The following GRIN2B variants were observed in gnomAD, a reference collection of about 807,000 sequenced individuals.
GRIN2B encodes the protein glutamate receptor ionotropic, NMDA 2B.
In GRIN2B, 5 loss-of-function variants were observed where a neutral mutation model predicts 114.5. The ratio of observed to expected loss-of-function variants is 0.04; its 90% CI spans 0.02 to 0.09. The LOEUF (loss-of-function observed/expected upper bound fraction) is 0.09, where lower values mean the gene tolerates loss of function less well. GRIN2B is among the 10% of genes least tolerant of loss of function. The pLI is 1.00. For synonymous variants in GRIN2B, 787 were observed against 745.1 expected, an observed-to-expected ratio of 1.06 and a Z score of -0.92; for missense variants, 1,108 against 1,943.5, an observed-to-expected ratio of 0.57 and a Z score of 8.08.
intron 8 of GRIN2B, among the ~76,000 whole-genome samples, chr12:13,612,604 A>G (rs1004388361): frequency 6.6e-6 from 1 of 152,252 alleles, no homozygotes; most frequent in Admixed American, 6.5e-5. Flanking sequence ...GATAGGGTTG[A>G]TGGGACAAGA....
Position 13,753,456 on chromosome 12 carries a change from C to A in GRIN2B, c.871G>T (p.Ala291Ser). The A allele has an allele frequency of 1.2e-6, 2 of 1,614,064 alleles. No individual in the cohort carries two copies. Among genetic ancestry groups the A allele is most frequent in the South Asian group, 2.2e-5 (2 of 91,076 alleles). ...ATGGCAATTCCATCTCTCACTCTGG[C>A]GGGGAGGCCATAGTCCCATTCATCA... Reference protein sequence around the residue: ...SYDEWDYGLPARVRDGIAIIT... With the variant: ...SYDEWDYGLPSRVRDGIAIIT... The change falls in exon 4 of 14, where the codon GCC becomes TCC. Residue 291 changes from alanine to serine, a missense_variant. Physicochemically the swap from Ala to Ser is moderately conservative, Grantham distance 99. Around this residue, in one of 19 missense-constraint regions of GRIN2B, gnomAD observed 199 missense variants for 439.6 expected, o/e 0.45. Coordinates refer to ENST00000609686, the MANE Select transcript of GRIN2B (RefSeq NM_000834.5). The surrounding 1 kb of genome is among the most constrained non-coding windows in gnomAD (Gnocchi z 6.2).
At chr12:13,660,069 G>A (rs531628485) in intron 5 of GRIN2B, among the ~76,000 whole-genome samples, 31 of 152,272 alleles carry the variant, frequency 2.0e-4, no homozygotes, top group East Asian at 5.8e-4. Context: ...TGCTCACAGC[G>A]AGGTGGCTGG....
intron 5 of GRIN2B, among the ~76,000 whole-genome samples, chr12:13,622,983 T>C (rs1949532443): frequency 6.6e-6 from 1 of 152,236 alleles, no homozygotes; most frequent in African/African-American, 2.4e-5. Context: ...TGTAACCAAG[T>C]GAACATTCTA....
chr12:13,694,125 T>C (rs1455129752), intron 4 of GRIN2B, among the ~76,000 whole-genome samples: 5 of 152,146 alleles, frequency 3.3e-5, no homozygotes, highest in Non-Finnish European at 2.9e-5. Flanking sequence ...CTCCTGTCCA[T>C]GCACAGAAGT....
intron 2 of GRIN2B, among the ~76,000 whole-genome samples, chr12:13,889,001 T>C (rs73057654): frequency 0.1 from 15,501 of 152,262 alleles, 1,031 homozygotes; most frequent in Middle Eastern, 0.2. Flanking sequence ...ACTTTTTTAC[T>C]TTATAAACTT....
intron 2 of GRIN2B, among the ~76,000 whole-genome samples, chr12:13,908,238 G>GA (rs138547976): frequency 0.01 from 1,494 of 145,454 alleles, 22 homozygotes; most frequent in East Asian, 0.062. Context: ...CTACATATTT[G>GA]AAAAAAAAAA....
chr12:13,625,526 A>G (rs1949556808), intron 5 of GRIN2B, among the ~76,000 whole-genome samples: 1 of 152,094 alleles, frequency 6.6e-6, no homozygotes, highest in African/African-American at 2.4e-5. Context: ...AGTATTTGCT[A>G]TTTTTTCCTC....
chr12:13,741,098 T>G (rs61912120), intron 4 of GRIN2B, among the ~76,000 whole-genome samples: 37,971 of 152,190 alleles, frequency 0.25, 4,927 homozygotes, highest in South Asian at 0.34. Flanking sequence ...TGGTGTGATC[T>G]CAGCTCACTG....
chr12:13,602,701 A>AC (rs1949177495), intron 10 of GRIN2B, among the ~76,000 whole-genome samples: 1 of 151,942 alleles, frequency 6.6e-6, no homozygotes, highest in African/African-American at 2.4e-5. Flanking sequence ...TGACTTCCAG[A>AC]CCCCCATGGG....
intron 2 of GRIN2B, among the ~76,000 whole-genome samples, chr12:13,922,415 G>C (rs1866840030): frequency 6.6e-6 from 1 of 152,160 alleles, no homozygotes; most frequent in Admixed American, 6.5e-5. Flanking sequence ...ATTTGGGTTA[G>C]GATTACAAGA....
intron 3 of GRIN2B, among the ~76,000 whole-genome samples, chr12:13,838,581 C>A (rs566533063): frequency 6.6e-6 from 1 of 152,176 alleles, no homozygotes; most frequent in African/African-American, 2.4e-5. Flanking sequence ...CTCTTCCTGT[C>A]TGTCTTTTCT....
Position 13,564,040 on chromosome 12 carries a change from G to A in GRIN2B, c.3198C>T (p.His1066=), listed in dbSNP as rs768606209. The A allele has an allele frequency of 6.2e-7, 1 of 1,614,256 alleles. No individual in the cohort carries two copies. The highest frequency in any genetic ancestry group is 1.3e-5 in the African/African-American group (1 of 75,074). Residue 1066 remains histidine (H), a synonymous_variant, in exon 14 of 14, where the codon CAC becomes CAT. Coordinates refer to ENST00000609686, the MANE Select transcript of GRIN2B (RefSeq NM_000834.5). This position sits in a 1 kb window ranked among gnomAD's most constrained non-coding sequence, Gnocchi z 4.8. ...IRSDVSDIST[H]TVTYGNIEGN... ...CCTCGATGTTCCCATAGGTGACGGT[G>A]TGGGTTGAGATGTCAGAGACATCGG...
intron 3 of GRIN2B, among the ~76,000 whole-genome samples, chr12:13,816,983 T>C (rs1864835246): frequency 6.6e-6 from 1 of 152,204 alleles, no homozygotes. Flanking sequence ...TTTTATTTTC[T>C]TTTGTCTGCC....
At chr12:13,755,462 G>A (rs1863560544) in intron 3 of GRIN2B, among the ~76,000 whole-genome samples, 1 of 152,076 alleles carries the variant, frequency 6.6e-6, no homozygotes, top group Non-Finnish European at 1.5e-5. Context: ...ATTTTTCCTG[G>A]TAAGGGTGAA....
chr12:13,751,233 G>A (rs1459949048), intron 4 of GRIN2B, among the ~76,000 whole-genome samples: 1 of 152,150 alleles, frequency 6.6e-6, no homozygotes, highest in Non-Finnish European at 1.5e-5. Flanking sequence ...GGCCCATGAG[G>A]CTGAAGTCTT....
chr12:13,848,558 A>G (rs1865505873), intron 3 of GRIN2B, among the ~76,000 whole-genome samples: 1 of 152,194 alleles, frequency 6.6e-6, no homozygotes, highest in South Asian at 2.1e-4. Flanking sequence ...ATTCTTTTCC[A>G]ATTGCATAAC....
chr12:13,601,472 A>G (rs1019459758), intron 10 of GRIN2B, among the ~76,000 whole-genome samples: 1 of 151,930 alleles, frequency 6.6e-6, no homozygotes, highest in Non-Finnish European at 1.5e-5. Context: ...TGGATAGTCC[A>G]GGATGATCTC....
chr12:13,649,513 G>T (rs1203300946), intron 5 of GRIN2B, among the ~76,000 whole-genome samples: 1 of 152,002 alleles, frequency 6.6e-6, no homozygotes, highest in Non-Finnish European at 1.5e-5. Context: ...TTTTACTACA[G>T]GAATCTTAGA....
At chr12:13,701,524 A>G (rs1238503160) in intron 4 of GRIN2B, among the ~76,000 whole-genome samples, 4 of 152,050 alleles carry the variant, frequency 2.6e-5, no homozygotes, top group African/African-American at 7.2e-5. Context: ...AAAAAAAAAA[A>G]AAAAAGAAAA....
Sources: gnomAD v4.1 joint callset for allele counts (sites outside exome capture counted in the v4.1 genomes callset) on GRCh38, gnomAD v4.1.1 for gene constraint, gnomAD v4.1.1 regional missense constraint, Gnocchi (gnomAD v3.1) non-coding constraint, MANE v1.5 for transcripts, NCBI Gene and HGNC (gene_info 2026-07-23, HGNC 2026-07-21) for gene names.